Variants in UBE2W observed in about 807,000 individuals in gnomAD.
UBE2W encodes ubiquitin-conjugating enzyme E2 W.
A neutral mutation model predicts 27.2 loss-of-function variants in UBE2W; 18 were observed. That is an observed-to-expected ratio of 0.66 (90% confidence interval 0.46 to 0.98). UBE2W has a LOEUF of 0.98. Ranked by LOEUF, UBE2W falls within the 50% of genes least tolerant of loss-of-function variation. The pLI is 0.00. For missense variants in UBE2W, 90 were observed against 180.2 expected (o/e 0.50, Z 2.87); for synonymous variants, 53 against 57.2 (o/e 0.93, Z 0.33).
chr8:73,790,285 A>G lies in UBE2W; in HGVS notation c.*3817T>C. The G allele has an allele frequency of 1.0e-6, 1 of 985,410 alleles. No homozygotes were observed. The highest frequency in any genetic ancestry group is 1.2e-6 in the Non-Finnish European group (1 of 829,918). The allele number at this position is 985,410 out of a possible 1,614,324, so 61.0% of individuals were successfully genotyped here. On this transcript the variant is annotated 3_prime_UTR_variant, in exon 6 of 6. Coordinates refer to ENST00000602593, the MANE Select transcript of UBE2W (RefSeq NM_018299.6). ...GAGGCAGAAAAATAGGAAGAAAAAT[A>G]AAGGACAGATTTAAAACAATTTAAA...
At chr8:73,855,619 T>C (rs1049199370) in intron 1 of UBE2W, among the ~76,000 whole-genome samples, 7 of 152,034 alleles carry the variant, frequency 4.6e-5, no homozygotes, top group Non-Finnish European at 1.0e-4. Context: ...TTGACCAGGC[T>C]GGTCTCAAAC....
At chr8:73,804,110 T>C (rs1586453620) in intron 5 of UBE2W, among the ~76,000 whole-genome samples, 2 of 152,072 alleles carry the variant, frequency 1.3e-5, no homozygotes, top group African/African-American at 4.8e-5. Context: ...ATAGTTCTAT[T>C]GCACTGACTC....
chr8:73,803,571 A>C (rs1489530149), intron 5 of UBE2W, among the ~76,000 whole-genome samples: 1 of 151,898 alleles, frequency 6.6e-6, no homozygotes, highest in Non-Finnish European at 1.5e-5. Flanking sequence ...TCCCACCCCC[A>C]CAATCATTCA....
intron 1 of UBE2W, among the ~76,000 whole-genome samples, chr8:73,843,365 G>C (rs187679324): frequency 1.3e-5 from 2 of 152,286 alleles, no homozygotes; most frequent in East Asian, 3.9e-4. Context: ...GAGCACAATG[G>C]CTTGTGCCTG....
exon 5 of UBE2W, chr8:73,780,287 T>C (rs1296843811): frequency 1.6e-5 from 4 of 256,324 alleles, no homozygotes; most frequent in South Asian, 4.4e-5. Flanking sequence ...CATGACTGCA[T>C]GGTCTTCTCC....
chr8:73,792,580 T>A lies in UBE2W; in HGVS notation c.*1522A>T. 8.1e-6 allele frequency: 8 copies of A among 985,808 alleles called. No individual in the cohort carries two copies. Among genetic ancestry groups the A allele is most frequent in the Non-Finnish European group, 6.0e-6 (5 of 829,846 alleles). The allele number at this position is 985,808 out of a possible 1,614,324, so 61.1% of individuals were successfully genotyped here. A position where few individuals can be genotyped will look rare whatever the true frequency, so the allele number is the denominator to read the frequency against. On this transcript the variant is annotated 3_prime_UTR_variant, in exon 6 of 6. Coordinates refer to ENST00000602593, the MANE Select transcript of UBE2W (RefSeq NM_018299.6). The stretch of plus-strand genomic sequence containing the variant: ...TTCAAACCTTTCAGCCAACTGGCTT[T>A]CAGTTTTAAGCCCAAATTGATTCAT...
chr8:73,792,107 C>CA lies in UBE2W; in HGVS notation c.*1994dup. 2.0e-6 allele frequency: 2 copies of CA among 985,054 alleles called. No homozygotes were observed. The highest frequency in any genetic ancestry group is 2.4e-6 in the Non-Finnish European group (2 of 829,758). 61.0% of individuals were successfully genotyped at this position (985,054 alleles called of 1,614,324 possible). ...CAAACAGTAGTGTAGAGCAGTTACGCAAAATATGAAAATACATAATTTACA... is the reference window on the plus strand; with the variant it reads ...CAAACAGTAGTGTAGAGCAGTTACGCAAAAATATGAAAATACATAATTTACA... On this transcript the variant is annotated 3_prime_UTR_variant, in exon 6 of 6. Coordinates refer to ENST00000602593, the MANE Select transcript of UBE2W (RefSeq NM_018299.6).
Position 73,788,231 on chromosome 8 carries a change from A to G in UBE2W, c.*5871T>C, listed in dbSNP as rs1479164943. On this transcript the variant is annotated 3_prime_UTR_variant, in exon 6 of 6. Coordinates refer to ENST00000602593, the MANE Select transcript of UBE2W (RefSeq NM_018299.6). ...ATACATGTATTAAAAAATATATAAC[A>G]TAGATTTGTCTGTTTTAACATTTAT... is the stretch of plus-strand genomic sequence containing the variant. The G allele has an allele frequency of 4.2e-6, 4 of 944,930 alleles. No individual in the cohort carries two copies. In the Admixed American group the frequency reaches 1.9e-4, roughly 44 times the overall value. 58.5% of individuals were successfully genotyped at this position (944,930 alleles called of 1,614,324 possible). A position where few individuals can be genotyped will look rare whatever the true frequency, so the allele number is the denominator to read the frequency against.
At chr8:73,806,247 C>T (rs888871667) in intron 4 of UBE2W, among the ~76,000 whole-genome samples, 2 of 152,036 alleles carry the variant, frequency 1.3e-5, no homozygotes, top group Non-Finnish European at 2.9e-5. Flanking sequence ...TAAACATAGC[C>T]GGGCGCAGTG....
chr8:73,822,624 A>T (rs1184240257), intron 3 of UBE2W, among the ~76,000 whole-genome samples: 10 of 148,698 alleles, frequency 6.7e-5, no homozygotes, highest in Non-Finnish European at 1.2e-4. Context: ...AAAAAAAAAA[A>T]AAAAAAAAAA....
chr8:73,784,128 T>C (rs1807894221), downstream of UBE2W, among the ~76,000 whole-genome samples: 2 of 152,116 alleles, frequency 1.3e-5, no homozygotes, highest in East Asian at 3.9e-4. Context: ...TTGCAGTGTG[T>C]GCTTATACAT....
In UBE2W at chr8:73,789,962, G is replaced by T. The variant is rs1056621702; in HGVS notation, c.*4140C>A. ...TTTGGCTTTGGGAGAGTCCTCATCC[G>T]AAAATAACAAAATTTCCTTAATATT... On this transcript the variant is annotated 3_prime_UTR_variant, in exon 6 of 6. Transcript: ENST00000602593. 1.0e-6 allele frequency: 1 copy of T among 984,334 alleles called. No homozygotes were observed. Among genetic ancestry groups the T allele is most frequent in the Non-Finnish European group, 1.2e-6 (1 of 829,118 alleles). The allele number at this position is 984,334 out of a possible 1,614,324, so 61.0% of individuals were successfully genotyped here.
intron 3 of UBE2W, among the ~76,000 whole-genome samples, chr8:73,814,190 A>G (rs1177456194): frequency 3.9e-5 from 6 of 152,228 alleles, no homozygotes; most frequent in Non-Finnish European, 1.5e-5. Flanking sequence ...TTTTTAACTC[A>G]GTCAAGTAGT....
chr8:73,816,860 C>T (rs547536653), intron 3 of UBE2W, among the ~76,000 whole-genome samples: 158 of 152,218 alleles, frequency 1.0e-3, no homozygotes, highest in African/African-American at 3.5e-3. Flanking sequence ...ATGGCAAAAC[C>T]TTGTCTCTAA....
At chr8:73,848,507 G>T (rs1810913352) in intron 1 of UBE2W, among the ~76,000 whole-genome samples, 3 of 152,058 alleles carry the variant, frequency 2.0e-5, no homozygotes, top group South Asian at 4.1e-4. Flanking sequence ...AACACAGGGA[G>T]ACCATGTTTC....
chr8:73,877,730 T>C (rs1239408894), intron 1 of UBE2W, among the ~76,000 whole-genome samples: 1 of 152,178 alleles, frequency 6.6e-6, no homozygotes, highest in Non-Finnish European at 1.5e-5. Flanking sequence ...CGTTCTACTT[T>C]CTCTTCCAAT....
chr8:73,871,709 A>G (rs1812015167), intron 1 of UBE2W, among the ~76,000 whole-genome samples: 1 of 152,250 alleles, frequency 6.6e-6, no homozygotes, highest in Non-Finnish European at 1.5e-5. Flanking sequence ...TGAAGCAGAC[A>G]GCAATAATAT....
chr8:73,843,616 CAGAG>C (rs1284910858), intron 1 of UBE2W, among the ~76,000 whole-genome samples: 2 of 151,910 alleles, frequency 1.3e-5, no homozygotes, highest in African/African-American at 4.8e-5. Context: ...GCCTGAGTGA[CAGAG>C]AGAGACCCTG....
At chr8:73,842,433 G>A (rs933884274) in intron 1 of UBE2W, among the ~76,000 whole-genome samples, 1 of 148,512 alleles carries the variant, frequency 6.7e-6, no homozygotes, top group East Asian at 2.0e-4. Context: ...GGAGGCTGAG[G>A]CAGGAGAATG....
Sources: allele counts gnomAD v4.1 joint callset (sites outside exome capture counted in the v4.1 genomes callset), GRCh38; gene constraint gnomAD v4.1.1; transcripts MANE v1.5; gene names NCBI Gene and HGNC (gene_info 2026-07-23, HGNC 2026-07-21).